Variants in KCNN2 observed in about 807,000 individuals in gnomAD.
KCNN2 encodes the protein small conductance calcium-activated potassium channel protein 2.
A neutral mutation model predicts 55.5 loss-of-function variants in KCNN2; 24 were observed. The ratio of observed to expected loss-of-function variants is 0.43; its 90% CI spans 0.31 to 0.61. KCNN2 has a LOEUF of 0.61. Ranked by LOEUF, KCNN2 falls within the 20% of genes least tolerant of loss-of-function variation. The pLI is 0.08. For missense variants in KCNN2, 754 were observed against 853.6 expected, an observed-to-expected ratio of 0.88 and a Z score of 1.45; for synonymous variants, 431 against 336.1, an observed-to-expected ratio of 1.28 and a Z score of -3.09.
chr5:114,152,685 G>T (rs757751161), intron 1 of KCNN2, among the ~76,000 whole-genome samples: 7 of 152,128 alleles, frequency 4.6e-5, no homozygotes, highest in Non-Finnish European at 7.4e-5. Context: ...ACAAAGACAT[G>T]ACCACACTGG....
At chr5:114,234,963 T>C (rs1013026705) in intron 2 of KCNN2, among the ~76,000 whole-genome samples, 6 of 152,190 alleles carry the variant, frequency 3.9e-5, no homozygotes, top group African/African-American at 1.4e-4. Flanking sequence ...AAATTAAACA[T>C]ATTTATGTCC....
At chr5:114,376,042 T>A (rs1757927209) in intron 2 of KCNN2, among the ~76,000 whole-genome samples, 1 of 149,708 alleles carries the variant, frequency 6.7e-6, no homozygotes, top group Non-Finnish European at 1.5e-5. Flanking sequence ...CAACTATACC[T>A]ATTTTTCAGT....
intron 1 of KCNN2, among the ~76,000 whole-genome samples, chr5:114,178,186 A>G (rs1753173697): frequency 6.6e-6 from 1 of 152,216 alleles, no homozygotes; most frequent in Non-Finnish European, 1.5e-5. Flanking sequence ...TAAGAAATGT[A>G]TAGACTTCCC....
At chr5:114,179,403 A>G (rs1181597536) in intron 1 of KCNN2, among the ~76,000 whole-genome samples, 1 of 152,220 alleles carries the variant, frequency 6.6e-6, no homozygotes, top group Non-Finnish European at 1.5e-5. Flanking sequence ...GAGTGATATA[A>G]GAGAAAGAAA....
intron 1 of KCNN2, among the ~76,000 whole-genome samples, chr5:114,068,369 G>A (rs554152070): frequency 1.3e-5 from 2 of 152,228 alleles, no homozygotes; most frequent in African/African-American, 2.4e-5. Flanking sequence ...AATTGAAAAT[G>A]TATGGCCACA....
chr5:114,346,682 T>C lies in KCNN2; in HGVS notation c.-184-14263T>C, dbSNP rs1757108569. On this transcript the variant is annotated intron_variant, in intron 2 of 10. Coordinates refer to the KCNN2 transcript ENST00000512097. Reference sequence around the variant, plus strand: ...ATATACATGGATATATTTGTATCTCTGATAGCTGAAAGGGCCTGTAAAAAA... The same window carrying C: ...ATATACATGGATATATTTGTATCTCCGATAGCTGAAAGGGCCTGTAAAAAA... 2.0e-5 allele frequency among the ~76,000 whole-genome samples: 3 copies of C among 151,264 alleles called. No homozygotes were observed. In the South Asian group the frequency reaches 6.3e-4, roughly 32 times the overall value.
At chr5:114,377,606 C>T (rs759158732) in intron 2 of KCNN2, among the ~76,000 whole-genome samples, 3 of 152,044 alleles carry the variant, frequency 2.0e-5, no homozygotes, top group Non-Finnish European at 4.4e-5. Flanking sequence ...GGAAGAAGCC[C>T]GAGGGACGCC....
At chr5:114,171,845 G>A (rs1051556853) in intron 1 of KCNN2, among the ~76,000 whole-genome samples, 4 of 151,772 alleles carry the variant, frequency 2.6e-5, no homozygotes, top group African/African-American at 9.7e-5. Context: ...GCTTTACCAT[G>A]TCTTTGTGAC....
intron 2 of KCNN2, among the ~76,000 whole-genome samples, chr5:114,235,573 A>G (rs1190010907): frequency 1.3e-5 from 2 of 152,198 alleles, no homozygotes; most frequent in Non-Finnish European, 2.9e-5. Context: ...TTTGTTTAGA[A>G]ACTATCCATT....
chr5:114,144,311 G>A (rs961662331), intron 1 of KCNN2, among the ~76,000 whole-genome samples: 1 of 151,914 alleles, frequency 6.6e-6, no homozygotes, highest in Non-Finnish European at 1.5e-5. Context: ...CATTAATTTG[G>A]CCAATTTTTG....
chr5:114,064,361 T>A (rs564877204), intron 1 of KCNN2, among the ~76,000 whole-genome samples: 1 of 152,176 alleles, frequency 6.6e-6, no homozygotes, highest in Non-Finnish European at 1.5e-5. Context: ...AGCCCAGGCC[T>A]TAAGAGGATG....
intron 3 of KCNN2, among the ~76,000 whole-genome samples, chr5:114,446,223 G>A (rs990366313): frequency 4.6e-5 from 7 of 152,258 alleles, no homozygotes; most frequent in East Asian, 3.9e-4. Flanking sequence ...TGACAGAAGC[G>A]CATAGAATAC....
At chr5:114,258,289 T>C (rs1561543543) in intron 2 of KCNN2, among the ~76,000 whole-genome samples, 1 of 152,192 alleles carries the variant, frequency 6.6e-6, no homozygotes, top group Non-Finnish European at 1.5e-5. Flanking sequence ...TTCAGTGATA[T>C]TACTCTGTAG....
intron 3 of KCNN2, among the ~76,000 whole-genome samples, chr5:114,416,256 T>G (rs1036055685): frequency 6.6e-6 from 1 of 152,178 alleles, no homozygotes; most frequent in Non-Finnish European, 1.5e-5. Context: ...TTAAGATTCT[T>G]TTTGTTTTCT....
chr5:114,277,501 C>T (rs907686192), intron 2 of KCNN2, among the ~76,000 whole-genome samples: 4 of 152,200 alleles, frequency 2.6e-5, no homozygotes, highest in Non-Finnish European at 4.4e-5. Flanking sequence ...GGTCTTTTCA[C>T]ATAGTCCCAT....
intron 2 of KCNN2, among the ~76,000 whole-genome samples, chr5:114,294,984 T>TTTA: frequency 6.6e-6 from 1 of 152,332 alleles, no homozygotes; most frequent in South Asian, 2.1e-4. Flanking sequence ...TATCAGAGAC[T>TTTA]AGGATTGCAA....
At position 114,063,503 on chromosome 5, in the gene KCNN2, C is replaced by G. The variant is rs141023323; in HGVS notation, c.-271+7003C>G. ...ACTCAGTGTCTAGAGAACCACCCCC[C>G]CTCCAAATTTCCATTTCTAACAAAG... On this transcript the variant is annotated intron_variant, in intron 1 of 10. Coordinates refer to the KCNN2 transcript ENST00000512097. Among the ~76,000 whole-genome samples the G allele has an allele frequency of 1.2e-4, 18 of 152,276 alleles. No individual in the cohort carries two copies. The East Asian group carries it at 2.1e-3, about 18-fold the overall frequency.
chr5:114,169,008 T>C (rs1438809346), intron 1 of KCNN2, among the ~76,000 whole-genome samples: 1 of 152,130 alleles, frequency 6.6e-6, no homozygotes, highest in Non-Finnish European at 1.5e-5. Context: ...GAGTGAGTTC[T>C]CACAAGATCT....
chr5:114,318,192 T>C (rs1756539639), intron 2 of KCNN2, among the ~76,000 whole-genome samples: 1 of 152,240 alleles, frequency 6.6e-6, no homozygotes, highest in South Asian at 2.1e-4. Flanking sequence ...GTTTCCTTTT[T>C]GCTTAGGCAG....
Sources: allele counts gnomAD v4.1 joint callset (sites outside exome capture counted in the v4.1 genomes callset), GRCh38; gene constraint gnomAD v4.1.1; transcripts MANE v1.5; gene names NCBI Gene and HGNC (gene_info 2026-07-23, HGNC 2026-07-21).